The following REG4 variants were observed in gnomAD, a reference collection of about 807,000 sequenced individuals.
The protein encoded by REG4 is regenerating family member 4.
In REG4, 16 loss-of-function variants were observed where a neutral mutation model predicts 22.3. The ratio of observed to expected loss-of-function variants is 0.72; its 90% CI spans 0.49 to 1.09. The LOEUF (loss-of-function observed/expected upper bound fraction) is 1.09. REG4 is among the 50% of genes least tolerant of loss of function. REG4 has a pLI of 0.00. For missense variants in REG4, 214 were observed against 193.9 expected (o/e 1.10, Z -0.61); for synonymous variants, 71 against 69.2 (o/e 1.03, Z -0.13).
intron 3 of REG4, chr1:119,802,634 G>A: frequency 7.4e-7 from 1 of 1,352,026 alleles, no homozygotes; most frequent in South Asian, 2.1e-5. Flanking sequence ...CATTTTCTTG[G>A]ACTGCTTCAC....
intron 2 of REG4, among the ~76,000 whole-genome samples, chr1:119,804,805 C>T (rs1654241479): frequency 1.3e-5 from 2 of 152,146 alleles, no homozygotes; most frequent in Admixed American, 1.3e-4. Context: ...CCCTCCTTGT[C>T]TGTGACTGTT....
At chr1:119,798,913 A>C (rs1439644457) in intron 4 of REG4, among the ~76,000 whole-genome samples, 1 of 152,216 alleles carries the variant, frequency 6.6e-6, no homozygotes, top group Non-Finnish European at 1.5e-5. Flanking sequence ...ATTAAAAACG[A>C]AATAATTGTA....
chr1:119,807,016 A>G (rs1654341256), intron 2 of REG4, among the ~76,000 whole-genome samples: 1 of 152,248 alleles, frequency 6.6e-6, no homozygotes, highest in Non-Finnish European at 1.5e-5. Flanking sequence ...TGAAGCTATT[A>G]AAACCCATCA....
intron 2 of REG4, among the ~76,000 whole-genome samples, chr1:119,807,101 G>T (rs984330489): frequency 1.3e-5 from 2 of 152,182 alleles, no homozygotes; most frequent in Admixed American, 6.5e-5. Flanking sequence ...GTTGCTCTAT[G>T]TCTCTCCACT....
At chr1:119,807,540 A>G (rs1428946241) in intron 2 of REG4, among the ~76,000 whole-genome samples, 1 of 152,216 alleles carries the variant, frequency 6.6e-6, no homozygotes, top group Non-Finnish European at 1.5e-5. Flanking sequence ...GCACAGAACA[A>G]GAGTGGCAGG....
At position 119,794,560 on chromosome 1, in the gene REG4, C is replaced by T; in HGVS notation, c.*58G>A. 1 of 1,465,178 alleles carries T rather than the reference C, an allele frequency of 6.8e-7. No individual in the cohort carries two copies. Among genetic ancestry groups the T allele is most frequent in the Non-Finnish European group, 9.6e-7 (1 of 1,044,384 alleles). 90.8% of individuals were successfully genotyped at this position (1,465,178 alleles called of 1,614,324 possible). On this transcript the variant is annotated 3_prime_UTR_variant, in exon 6 of 6. Transcript: ENST00000256585. ...GAAATAATGAGCAGATTTAGCCAGGCTAGCAGAAAGGAAGAGGACGGGGCT... is the reference window on the plus strand; with the variant it reads ...GAAATAATGAGCAGATTTAGCCAGGTTAGCAGAAAGGAAGAGGACGGGGCT...
chr1:119,806,247 C>T (rs2101074494), intron 2 of REG4, among the ~76,000 whole-genome samples: 1 of 152,222 alleles, frequency 6.6e-6, no homozygotes, highest in South Asian at 2.1e-4. Context: ...CGGCTTTACT[C>T]CACACATTTA....
intron 3 of REG4, among the ~76,000 whole-genome samples, chr1:119,800,560 G>A (rs1654070304): frequency 6.6e-6 from 1 of 152,160 alleles, no homozygotes. Context: ...TGGGCAACTG[G>A]ACACAGGAAG....
At chr1:119,803,845 T>C (rs1418756329) in intron 2 of REG4, among the ~76,000 whole-genome samples, 1 of 152,118 alleles carries the variant, frequency 6.6e-6, no homozygotes, top group African/African-American at 2.4e-5. Context: ...GGGAACATTT[T>C]AGGCAAAGGA....
intron 2 of REG4, among the ~76,000 whole-genome samples, chr1:119,807,521 C>A (rs1220686308): frequency 6.6e-6 from 1 of 152,184 alleles, no homozygotes; most frequent in Non-Finnish European, 1.5e-5. Flanking sequence ...CTAAGTAGGT[C>A]TGAAGTCAGC....
chr1:119,799,718 A>T lies in REG4; in HGVS notation c.303+7T>A, dbSNP rs1254832774. Reference sequence around the variant, plus strand: ...AAGAGGGCCTTTGTGGCCAAGTCTGAGGTTACCTTCTGTGGGTCGTGCAGG... The same window carrying T: ...AAGAGGGCCTTTGTGGCCAAGTCTGTGGTTACCTTCTGTGGGTCGTGCAGG... On this transcript the variant is annotated splice_region_variant and intron_variant, in intron 4 of 5. Transcript: ENST00000256585. The T allele has an allele frequency of 1.2e-6, 2 of 1,612,540 alleles. No individual in the cohort carries two copies. The highest frequency in any genetic ancestry group is 3.3e-5 in the Admixed American group (2 of 59,952).
chr1:119,804,303 C>T (rs1045259174), intron 2 of REG4, among the ~76,000 whole-genome samples: 1 of 152,192 alleles, frequency 6.6e-6, no homozygotes, highest in African/African-American at 2.4e-5. Context: ...CTATGCATCT[C>T]CCAGGGCTCC....
Position 119,794,557 on chromosome 1 carries a change from A to T in REG4, c.*61T>A. 1.4e-6 allele frequency: 2 copies of T among 1,441,616 alleles called. No individual in the cohort carries two copies. Among genetic ancestry groups the T allele is most frequent in the Non-Finnish European group, 2.0e-6 (2 of 1,022,686 alleles). 89.3% of individuals were successfully genotyped at this position (1,441,616 alleles called of 1,614,324 possible). On this transcript the variant is annotated 3_prime_UTR_variant, in exon 6 of 6. Transcript: ENST00000256585. Reference sequence around the variant, plus strand: ...TCTGAAATAATGAGCAGATTTAGCCAGGCTAGCAGAAAGGAAGAGGACGGG... The same window carrying T: ...TCTGAAATAATGAGCAGATTTAGCCTGGCTAGCAGAAAGGAAGAGGACGGG...
At chr1:119,797,004 G>T (rs1490364905) in intron 5 of REG4, among the ~76,000 whole-genome samples, 1 of 152,178 alleles carries the variant, frequency 6.6e-6, no homozygotes, top group South Asian at 2.1e-4. Context: ...GTCTGAAAAC[G>T]AATCCCTGAT....
At chr1:119,794,799 T>C in intron 5 of REG4, 114 bp from the exon 6 acceptor site, 1 of 883,380 alleles carries the variant, frequency 1.1e-6, no homozygotes, top group Admixed American at 1.8e-5. Context: ...GTTGACTTTA[T>C]GTGTCAACTT....
chr1:119,798,009 G>C (rs1653981659), intron 5 of REG4, among the ~76,000 whole-genome samples: 1 of 152,214 alleles, frequency 6.6e-6, no homozygotes, highest in Non-Finnish European at 1.5e-5. Context: ...TGAGCTTCAG[G>C]CCACCACATT....
At chr1:119,799,678 C>T in intron 4 of REG4, 47 bp downstream of exon 4, 2 of 1,596,396 alleles carry the variant, frequency 1.3e-6, no homozygotes, top group Non-Finnish European at 1.7e-6. Flanking sequence ...AAGAGGATGC[C>T]AGCCTGGCTT....
intron 2 of REG4, among the ~76,000 whole-genome samples, chr1:119,806,361 C>T (rs1399194650): frequency 6.6e-6 from 1 of 152,128 alleles, no homozygotes; most frequent in Non-Finnish European, 1.5e-5. Context: ...GATGAAGAAA[C>T]AAAGGCAGAA....
chr1:119,802,231 G>T, intron 3 of REG4: 2 of 697,094 alleles, frequency 2.9e-6, no homozygotes, highest in Non-Finnish European at 3.5e-6. Context: ...TGTAAACTTG[G>T]GAAAGTCATT....
Sources: gnomAD v4.1 joint callset for allele counts (sites outside exome capture counted in the v4.1 genomes callset) on GRCh38, gnomAD v4.1.1 for gene constraint, MANE v1.5 for transcripts, NCBI Gene and HGNC (gene_info 2026-07-23, HGNC 2026-07-21) for gene names.